CDK6: variants seen among roughly 807,000 people sequenced by gnomAD.
CDK6 encodes cyclin dependent kinase 6.
Under a neutral mutation model 37.1 loss-of-function variants are expected in CDK6, and 6 were observed. The observed-to-expected ratio is 0.16, with a 90% confidence interval of 0.09 to 0.32. CDK6 has a LOEUF of 0.32. Among genes scored for constraint, CDK6 ranks in the 10% least tolerant of loss-of-function variants. The pLI is 1.00. For synonymous variants in CDK6, 160 were observed against 161.3 expected (o/e 0.99, Z 0.06); for missense variants, 224 against 418.9 (o/e 0.53, Z 4.06).
intron 2 of CDK6, among the ~76,000 whole-genome samples, chr7:92,828,566 T>C (rs778468840): frequency 4.6e-5 from 7 of 152,208 alleles, no homozygotes; most frequent in Non-Finnish European, 7.4e-5. Context: ...AAATCATTAA[T>C]AGTGAGACAT....
chr7:92,664,888 C>T (rs1353519283), intron 5 of CDK6, among the ~76,000 whole-genome samples: 3 of 151,796 alleles, frequency 2.0e-5, no homozygotes, highest in Admixed American at 6.6e-5. Context: ...TGGGTTCAAG[C>T]GATTCTCCTG....
At chr7:92,643,826 TTTAC>T (rs1165701340) in intron 5 of CDK6, among the ~76,000 whole-genome samples, 1 of 152,250 alleles carries the variant, frequency 6.6e-6, no homozygotes, top group Non-Finnish European at 1.5e-5. Context: ...TTCTCATTTA[TTTAC>T]TTATTAAATA....
chr7:92,822,198 A>T (rs1469101766), intron 2 of CDK6, among the ~76,000 whole-genome samples: 1 of 152,150 alleles, frequency 6.6e-6, no homozygotes, highest in Non-Finnish European at 1.5e-5. Context: ...ATGATGATTT[A>T]AAATATCACT....
At chr7:92,818,570 A>T (rs1801086713) in intron 2 of CDK6, among the ~76,000 whole-genome samples, 1 of 151,964 alleles carries the variant, frequency 6.6e-6, no homozygotes, top group Non-Finnish European at 1.5e-5. Context: ...AAAAAGCATA[A>T]GCTATCAAAG....
chr7:92,802,358 A>G (rs2115904287), intron 2 of CDK6, among the ~76,000 whole-genome samples: 1 of 152,354 alleles, frequency 6.6e-6, no homozygotes, highest in Non-Finnish European at 1.5e-5. Context: ...ATTTCATTCA[A>G]TATTCTAATA....
At chr7:92,725,429 C>T (rs1157837513) in intron 4 of CDK6, 197 bp downstream of exon 4, 27 of 730,428 alleles carry the variant, frequency 3.7e-5, no homozygotes, top group Non-Finnish European at 4.4e-5. Context: ...CTGTCCACAA[C>T]AAGCCCAGGC....
At chr7:92,769,036 T>C (rs1251899433) in intron 3 of CDK6, among the ~76,000 whole-genome samples, 1 of 152,164 alleles carries the variant, frequency 6.6e-6, no homozygotes, top group Non-Finnish European at 1.5e-5. Flanking sequence ...GGGCATCCCA[T>C]ACTGACATCA....
At chr7:92,829,470 G>T (rs1801421935) in intron 2 of CDK6, among the ~76,000 whole-genome samples, 1 of 152,108 alleles carries the variant, frequency 6.6e-6, no homozygotes, top group Non-Finnish European at 1.5e-5. Context: ...CATGTATCAG[G>T]GTTATGGTGA....
chr7:92,818,058 G>A (rs1242857226), intron 2 of CDK6, among the ~76,000 whole-genome samples: 3 of 151,924 alleles, frequency 2.0e-5, no homozygotes, highest in Non-Finnish European at 4.4e-5. Context: ...CTAATTAATA[G>A]AGATTAAATG....
chr7:92,748,665 ACT>A (rs1193277365), intron 3 of CDK6, among the ~76,000 whole-genome samples: 1 of 152,116 alleles, frequency 6.6e-6, no homozygotes, highest in African/African-American at 2.4e-5. Flanking sequence ...GTTGCTAGGG[ACT>A]CTCTTTCATA....
chr7:92,614,934 T>C lies in CDK6; in HGVS notation c.*206A>G, dbSNP rs1795640593. 2.1e-6 allele frequency: 1 copy of C among 469,968 alleles called. No individual in the cohort carries two copies. The highest frequency in any genetic ancestry group is 5.8e-5 in the South Asian group (1 of 17,356). The allele number at this position is 469,968 out of a possible 1,614,324, so 29.1% of individuals were successfully genotyped here. A position where few individuals can be genotyped will look rare whatever the true frequency, so the allele number is the denominator to read the frequency against. On this transcript the variant is annotated 3_prime_UTR_variant, in exon 8 of 8. Coordinates refer to ENST00000424848, the MANE Select transcript of CDK6 (RefSeq NM_001145306.2). ...ACAAACAGACAAACAAACAAACAAATGAACATAAAGCTGCAATCACTCTTG... is the reference window on the plus strand; with the variant it reads ...ACAAACAGACAAACAAACAAACAAACGAACATAAAGCTGCAATCACTCTTG...
chr7:92,701,588 G>T (rs1201320179), intron 4 of CDK6: 1 of 152,274 alleles, frequency 6.6e-6, no homozygotes, highest in African/African-American at 2.4e-5. Flanking sequence ...TGTATTTTTA[G>T]TAGAGACAGG....
chr7:92,731,433 C>T (rs543175714), intron 3 of CDK6, among the ~76,000 whole-genome samples: 6 of 152,312 alleles, frequency 3.9e-5, no homozygotes, highest in Admixed American at 6.5e-5. Context: ...AAGAGTCACA[C>T]ATGAGCTTTG....
intron 3 of CDK6, among the ~76,000 whole-genome samples, chr7:92,772,126 C>T (rs186647177): frequency 9.2e-5 from 14 of 152,088 alleles, no homozygotes; most frequent in Non-Finnish European, 1.3e-4. Context: ...GACCTTAAAG[C>T]ATCACAAACA....
intron 7 of CDK6, 23 bp from the exon 8 acceptor site, chr7:92,615,309 TG>T: frequency 6.3e-7 from 1 of 1,576,470 alleles, no homozygotes; most frequent in Non-Finnish European, 8.7e-7. Flanking sequence ...AAAAAATAAT[TG>T]GTTGATATAC....
intron 4 of CDK6, among the ~76,000 whole-genome samples, chr7:92,719,378 T>A (rs560232088): frequency 1.2e-4 from 18 of 152,294 alleles, no homozygotes; most frequent in East Asian, 9.6e-4. Context: ...TAAAAAAAAA[T>A]TTCCAAAATT....
chr7:92,699,299 C>T (rs537551456), intron 4 of CDK6, among the ~76,000 whole-genome samples: 3 of 152,246 alleles, frequency 2.0e-5, no homozygotes, highest in South Asian at 2.1e-4. Flanking sequence ...CTCTAGACCT[C>T]GATTAAGTCA....
In CDK6 at chr7:92,808,838, T is replaced by C. The variant is rs866576882; in HGVS notation, c.233+24253A>G. On this transcript the variant is annotated intron_variant, in intron 2 of 7. Coordinates refer to ENST00000424848, the MANE Select transcript of CDK6 (RefSeq NM_001145306.2). ...TACATATTACTGCATATTTTCAGTA[T>C]GATTATGTAACAAGACTCCATTTCA... Among the ~76,000 whole-genome samples, 69 of 152,320 alleles carry C rather than the reference T, an allele frequency of 4.5e-4. 1 individual carries two copies. Among genetic ancestry groups the C allele is most frequent in the African/African-American group, 1.6e-3 (65 of 41,574 alleles).
chr7:92,647,299 A>G (rs900296563), intron 5 of CDK6, among the ~76,000 whole-genome samples: 14 of 152,220 alleles, frequency 9.2e-5, no homozygotes, highest in Admixed American at 7.2e-4. Context: ...AAGTGCTATG[A>G]AGGAAAAAAG....
Sources: gnomAD v4.1 joint callset for allele counts (sites outside exome capture counted in the v4.1 genomes callset) on GRCh38, gnomAD v4.1.1 for gene constraint, MANE v1.5 for transcripts, NCBI Gene and HGNC (gene_info 2026-07-23, HGNC 2026-07-21) for gene names.